Variants in TCEA2 observed in about 807,000 individuals in gnomAD.
TCEA2 encodes the protein transcription elongation factor A2, also known as transcription elongation factor A protein 2.
A neutral mutation model predicts 40.8 loss-of-function variants in TCEA2; 21 were observed. The ratio of observed to expected loss-of-function variants is 0.51; its 90% CI spans 0.36 to 0.74. TCEA2 has a LOEUF of 0.74. TCEA2 is among the 30% of genes least tolerant of loss of function. TCEA2 has a pLI of 0.00. For synonymous variants in TCEA2, 165 were observed against 162.7 expected (o/e 1.01, Z -0.11); for missense variants, 326 against 426.5 (o/e 0.76, Z 2.08).
rs2059773047 is a variant in TCEA2 at position 64,069,416 on chromosome 20, C to A, written c.385C>A (p.Pro129Thr). ...GTCGACTCCGAGGATCACCACATTT[C>A]CTCCGGTGCCTGTCACCTGTGATGC... ...APSTPRITTF[P>T]PVPVTCDAVR... The change falls in exon 5 of 10, where the codon CCT becomes ACT. Residue 129 changes from proline (P) to threonine (T), a missense_variant. By Grantham distance (38) the Pro-to-Thr change is conservative. Transcript: ENST00000343484. 6.2e-7 allele frequency: 1 copy of A among 1,612,706 alleles called. No individual in the cohort carries two copies. The highest frequency in any genetic ancestry group is 8.5e-7 in the Non-Finnish European group (1 of 1,179,728).
At position 64,063,362 on chromosome 20, in the gene TCEA2, A is replaced by C. The variant is rs1018996274; in HGVS notation, c.50A>C (p.Lys17Thr). The change falls in exon 1 of 10, where the codon AAG becomes ACG. Residue 17 changes from lysine to threonine, a missense_variant. Coordinates refer to ENST00000343484, the MANE Select transcript of TCEA2 (RefSeq NM_003195.6). ...GCGCGGATCGCCCGGAGGCTGGACA[A>C]GATGGTGACCAAGAAGAGCGCGGTG... ...EIARIARRLD[K>T]MVTKKSAEGA... 3.9e-6 allele frequency: 6 copies of C among 1,549,288 alleles called. No individual in the cohort carries two copies. Among genetic ancestry groups the C allele is most frequent in the Middle Eastern group, 1.7e-4 (1 of 5,978 alleles).
At chr20:64,064,464 C>G (rs965160421) in intron 1 of TCEA2, 1 of 152,180 alleles carries the variant, frequency 6.6e-6, no homozygotes, top group Non-Finnish European at 1.5e-5. Context: ...GGGGTCTGGC[C>G]GCAGGTCATT....
chr20:64,069,654 C>T (rs2059780683), intron 5 of TCEA2, 111 bp from the exon 6 acceptor site: 1 of 1,535,322 alleles, frequency 6.5e-7, no homozygotes, highest in South Asian at 1.2e-5. Flanking sequence ...GATCGTGGGC[C>T]TCTTGCAGGG....
intron 3 of TCEA2, 88 bp downstream of exon 3, chr20:64,067,108 C>G (rs907799657): frequency 4.4e-6 from 6 of 1,355,418 alleles, no homozygotes; most frequent in Non-Finnish European, 6.2e-6. Flanking sequence ...AGAGTGCTGG[C>G]AGTGTCCACC....
At chr20:64,062,132 C>T (rs1455817966), upstream of TCEA2, among the ~76,000 whole-genome samples, 1 of 152,228 alleles carries the variant, frequency 6.6e-6, no homozygotes, top group Non-Finnish European at 1.5e-5. Flanking sequence ...AATGCTCAGC[C>T]CATTCCACCT....
At chr20:64,070,773 G>A (rs1601601384) in intron 8 of TCEA2, 138 bp downstream of exon 8, 1 of 1,254,016 alleles carries the variant, frequency 8.0e-7, no homozygotes, top group East Asian at 2.6e-5. Flanking sequence ...GCTAAGGCAT[G>A]ATGGCCACCT....
chr20:64,069,546 G>A (rs1275170011), intron 5 of TCEA2, 55 bp downstream of exon 5: 10 of 1,590,424 alleles, frequency 6.3e-6, no homozygotes, highest in South Asian at 3.4e-5. Context: ...AGGGTGGCCC[G>A]GGCCCCTGCC....
At chr20:64,071,963 G>A (rs372739233) in intron 9 of TCEA2, 22 bp downstream of exon 9, 14 of 1,613,530 alleles carry the variant, frequency 8.7e-6, no homozygotes, top group Non-Finnish European at 1.2e-5. Context: ...GGCTCAGGCT[G>A]CCCCTCCCAG....
intron 3 of TCEA2, 31 bp downstream of exon 3, chr20:64,067,051 G>T: frequency 6.3e-7 from 1 of 1,582,056 alleles, no homozygotes; most frequent in African/African-American, 1.3e-5. Flanking sequence ...ACTGAGTGCT[G>T]GGGCAGGGGT....
rs1208882786 is a variant in TCEA2, at chr20:64,070,324, C to T, written c.582C>T (p.Ser194=). The part of the protein sequence containing the change: ...KYKNRVRSRI[S]NLKDAKNPDL... ...AGAACCGTGTACGGAGTCGTATCTC[C>T]AACCTGAAGGATGCCAAGAACCCTG... Residue 194 remains serine, a synonymous_variant, in exon 7 of 10, where the codon TCC becomes TCT. Transcript: ENST00000343484. 3 of 1,614,108 alleles carry T rather than the reference C, an allele frequency of 1.9e-6. No individual in the cohort carries two copies. The highest frequency in any genetic ancestry group is 3.3e-4 in the Middle Eastern group (2 of 6,084).
chr20:64,065,474 T>C (rs1043754900), intron 1 of TCEA2: 1 of 148,446 alleles, frequency 6.7e-6, no homozygotes, highest in Admixed American at 6.7e-5. Context: ...CAGGGCACAG[T>C]TGCAGTTTTA....
In TCEA2 at chr20:64,069,829, T is replaced by C. The variant is rs1159120882; in HGVS notation, c.517+8T>C. 1 of 1,613,122 alleles carries C rather than the reference T, an allele frequency of 6.2e-7. No individual in the cohort carries two copies. Among genetic ancestry groups the C allele is most frequent in the African/African-American group, 1.3e-5 (1 of 75,024 alleles). On this transcript the variant is annotated splice_region_variant and intron_variant, in intron 6 of 9. Coordinates refer to ENST00000343484, the MANE Select transcript of TCEA2 (RefSeq NM_003195.6). The stretch of plus-strand genomic sequence containing the variant: ...CGGCTCAGATCGAGGAATATATCCT[T>C]TGGGTAGGGGCTGTGGGCCTGGGTT...
At chr20:64,062,581 C>T (rs1454870307), upstream of TCEA2, 1 of 152,208 alleles carries the variant, frequency 6.6e-6, no homozygotes, top group African/African-American at 2.4e-5. Context: ...CAGGCAGGGG[C>T]CTTGCCCACG....
chr20:64,065,092 T>G (rs1408199336), intron 1 of TCEA2, among the ~76,000 whole-genome samples: 1 of 151,614 alleles, frequency 6.6e-6, no homozygotes, highest in African/African-American at 2.4e-5. Flanking sequence ...CTCCTGGGGG[T>G]CCCAGTGCCT....
chr20:64,062,897 CAGG>C (rs1192219416), upstream of TCEA2: 1 of 154,968 alleles, frequency 6.5e-6, no homozygotes, highest in African/African-American at 2.4e-5. Context: ...AGGCCCGAAG[CAGG>C]AGGAGAGAAG....
At chr20:64,059,362 T>C (rs2059520673), upstream of TCEA2, among the ~76,000 whole-genome samples, 1 of 152,010 alleles carries the variant, frequency 6.6e-6, no homozygotes, top group South Asian at 2.1e-4. Flanking sequence ...CCAGTATGTC[T>C]CTGTCCCACC....
upstream of TCEA2, among the ~76,000 whole-genome samples, chr20:64,056,544 T>G (rs1347299252): frequency 3.0e-5 from 1 of 33,780 alleles, no homozygotes; most frequent in Admixed American, 3.7e-4. Context: ...TGGGGGCTCC[T>G]GGGGCTGCAG....
chr20:64,066,889 C>T (rs1433411099), intron 2 of TCEA2, 26 bp from the exon 3 acceptor site: 1 of 1,610,398 alleles, frequency 6.2e-7, no homozygotes, highest in African/African-American at 1.3e-5. Context: ...CCCTGCCTCC[C>T]CCAACCCAGA....
chr20:64,064,685 G>A (rs4809392), intron 1 of TCEA2, among the ~76,000 whole-genome samples: 139,844 of 152,084 alleles, frequency 0.92, 65,160 homozygotes, highest in East Asian at 1. Flanking sequence ...GCAGGGTTGA[G>A]TCTGGGTTCC....
Sources: gnomAD v4.1 joint callset for allele counts (sites outside exome capture counted in the v4.1 genomes callset) on GRCh38, gnomAD v4.1.1 for gene constraint, MANE v1.5 for transcripts, NCBI Gene and HGNC (gene_info 2026-07-23, HGNC 2026-07-21) for gene names.